NAV2: variants seen among roughly 807,000 people sequenced by gnomAD.
NAV2 encodes helicase, APC down-regulated 1.
Under a neutral mutation model 223.2 loss-of-function variants are expected in NAV2, and 54 were observed. The observed-to-expected ratio is 0.24, with a 90% CI of 0.19 to 0.30. The LOEUF (loss-of-function observed/expected upper bound fraction) is 0.30. Among genes scored for constraint, NAV2 ranks in the 10% least tolerant of loss-of-function variants. The probability of loss-of-function intolerance (pLI) is 1.00; values close to 1 mark genes in which losing one functional copy is unlikely to be tolerated. For missense variants in NAV2, 2,806 were observed against 3,147.5 expected, an observed-to-expected ratio of 0.89 and a Z score of 2.60; for synonymous variants, 1,279 against 1,239.3, an observed-to-expected ratio of 1.03 and a Z score of -0.67.
chr11:20,096,102 T>C (rs1300880610), intron 30 of NAV2, among the ~76,000 whole-genome samples: 1 of 152,236 alleles, frequency 6.6e-6, no homozygotes, highest in Non-Finnish European at 1.5e-5. Context: ...GGACATATGC[T>C]TCGGAGTATG....
chr11:19,352,667 A>C (rs183245531), intron 1 of NAV2, among the ~76,000 whole-genome samples: 1 of 152,244 alleles, frequency 6.6e-6, no homozygotes, highest in African/African-American at 2.4e-5. Flanking sequence ...CATTTTAATG[A>C]GTCTCCATGC....
chr11:19,853,423 C>A lies in NAV2; in HGVS notation c.438+10500C>A, dbSNP rs888801638. Among the ~76,000 whole-genome samples the A allele has an allele frequency of 4.6e-5, 7 of 152,242 alleles. 1 individual carries two copies. In the East Asian group the frequency reaches 1.2e-3, roughly 25 times the overall value. Reference sequence around the variant, plus strand: ...TCAAGCTAGTCCAACCCGTGGCCCACAGGCCACCTGCAGCCCAGGATGGCT... The same window carrying A: ...TCAAGCTAGTCCAACCCGTGGCCCAAAGGCCACCTGCAGCCCAGGATGGCT... On this transcript the variant is annotated intron_variant, in intron 3 of 37. Transcript: ENST00000349880.
intron 1 of NAV2, among the ~76,000 whole-genome samples, chr11:19,786,979 T>C (rs1429768671): frequency 6.6e-6 from 1 of 152,144 alleles, no homozygotes; most frequent in East Asian, 1.9e-4. Context: ...GAATAGCCAC[T>C]GAACTCCTGC....
chr11:20,006,002 G>C (rs964618470), intron 11 of NAV2, among the ~76,000 whole-genome samples: 1 of 152,208 alleles, frequency 6.6e-6, no homozygotes, highest in Admixed American at 6.5e-5. Context: ...TGTAATCCCA[G>C]CATTTGAGAG....
chr11:19,375,078 G>C (rs78453751), intron 1 of NAV2, among the ~76,000 whole-genome samples: 7 of 152,296 alleles, frequency 4.6e-5, no homozygotes, highest in Admixed American at 1.3e-4. Flanking sequence ...GCTCCTTCTC[G>C]ACAATAATGA....
At chr11:19,639,500 G>A (rs1463198974) in intron 1 of NAV2, among the ~76,000 whole-genome samples, 2 of 152,210 alleles carry the variant, frequency 1.3e-5, no homozygotes, top group African/African-American at 2.4e-5. Context: ...TAGCAACAAA[G>A]GATGTATTTA....
At chr11:19,793,206 C>CAAAAAAAAAAAAA (rs557365857) in intron 1 of NAV2, among the ~76,000 whole-genome samples, 4 of 58,258 alleles carry the variant, frequency 6.9e-5, no homozygotes, top group Non-Finnish European at 1.1e-4. Context: ...CACTCTGTCT[C>CAAAAAAAAAAAAA]AAAAAAAAAA....
At chr11:19,929,660 T>C (rs1255889329) in intron 6 of NAV2, among the ~76,000 whole-genome samples, 3 of 152,246 alleles carry the variant, frequency 2.0e-5, no homozygotes, top group Non-Finnish European at 4.4e-5. Flanking sequence ...AATTTTTTCC[T>C]GAGTTTAGGC....
chr11:19,958,105 G>A (rs1178647107), intron 10 of NAV2, among the ~76,000 whole-genome samples: 1 of 152,032 alleles, frequency 6.6e-6, no homozygotes, highest in East Asian at 1.9e-4. Context: ...TTGTTGAGAG[G>A]CCTCCAAATG....
chr11:20,018,733 G>A (rs2054228261), intron 11 of NAV2, among the ~76,000 whole-genome samples: 1 of 152,210 alleles, frequency 6.6e-6, no homozygotes, highest in African/African-American at 2.4e-5. Flanking sequence ...CCTGTGTTGA[G>A]GGAAAGACAG....
chr11:19,850,733 AG>A (rs1270095715), intron 3 of NAV2, among the ~76,000 whole-genome samples: 1 of 152,162 alleles, frequency 6.6e-6, no homozygotes, highest in Non-Finnish European at 1.5e-5. Context: ...GTGTTGCTTG[AG>A]GTGAGCATAT....
intron 6 of NAV2, among the ~76,000 whole-genome samples, chr11:19,901,495 C>G (rs763379302): frequency 6.6e-6 from 1 of 151,592 alleles, no homozygotes; most frequent in Non-Finnish European, 1.5e-5. Context: ...TGCAGTGAGC[C>G]GAGATCACAC....
At chr11:19,389,318 T>C (rs2133202105) in intron 1 of NAV2, among the ~76,000 whole-genome samples, 1 of 152,348 alleles carries the variant, frequency 6.6e-6, no homozygotes, top group South Asian at 2.1e-4. Context: ...GATAGAGACT[T>C]CAGTCTTATG....
At chr11:20,042,043 G>A (rs749095352) in intron 12 of NAV2, among the ~76,000 whole-genome samples, 1 of 152,110 alleles carries the variant, frequency 6.6e-6, no homozygotes, top group South Asian at 2.1e-4. Flanking sequence ...ACCATGGGTG[G>A]GAAATCAGTC....
intron 29 of NAV2, among the ~76,000 whole-genome samples, chr11:20,095,220 G>C (rs553143024): frequency 6.6e-6 from 1 of 152,076 alleles, no homozygotes; most frequent in Non-Finnish European, 1.5e-5. Context: ...ATATAAATTA[G>C]TACAGAATAT....
At chr11:20,072,405 T>C (rs772158244) in intron 22 of NAV2, among the ~76,000 whole-genome samples, 3 of 152,118 alleles carry the variant, frequency 2.0e-5, no homozygotes, top group Non-Finnish European at 2.9e-5. Flanking sequence ...TAAGATTGTC[T>C]TGGCTAGGCA....
rs144707540 is a variant in NAV2, at chr11:19,933,345, C to T, written c.1101C>T (p.His367=). The part of the protein sequence containing the change: ...PWRSKSLSVK[H]SATVSMLSVK... ...GCAGCAAATCCCTCAGCGTGAAGCA[C>T]AGTGCCACGGTATCCATGCTCTCGG... Residue 367 remains histidine, a synonymous_variant, in exon 7 of 38, where the codon CAC becomes CAT. Coordinates refer to ENST00000349880, the MANE Select transcript of NAV2 (RefSeq NM_145117.5). The surrounding 1 kb of genome is among the most constrained non-coding windows in gnomAD (Gnocchi z 4.3). The T allele has an allele frequency of 1.9e-6, 3 of 1,610,198 alleles. No homozygotes were observed. Among genetic ancestry groups the T allele is most frequent in the East Asian group, 2.2e-5 (1 of 44,832 alleles).
At chr11:19,545,384 A>C (rs1425329626) in intron 1 of NAV2, among the ~76,000 whole-genome samples, 1 of 152,122 alleles carries the variant, frequency 6.6e-6, no homozygotes, top group Non-Finnish European at 1.5e-5. Flanking sequence ...ATTTGTCTGC[A>C]TGTGGCCTCT....
rs553008843 is a variant in NAV2, at chr11:19,434,841, G to C, written c.75+83814G>C. On this transcript the variant is annotated intron_variant, in intron 1 of 37. Transcript: ENST00000360655. ...AAAGAAGCACAGGAAAGAAGCAAAAGGTTGTGGCTTTTTTTTTTTTTTTGC... is the reference window on the plus strand; with the variant it reads ...AAAGAAGCACAGGAAAGAAGCAAAACGTTGTGGCTTTTTTTTTTTTTTTGC... 9.5e-4 allele frequency among the ~76,000 whole-genome samples: 133 copies of C among 140,486 alleles called. 5 individuals carry two copies. The South Asian group carries it at 0.028, about 29-fold the overall frequency. 92.2% of individuals were successfully genotyped at this position (140,486 alleles called of 152,430 possible).
Sources: gnomAD v4.1 joint callset for allele counts (sites outside exome capture counted in the v4.1 genomes callset) on GRCh38, gnomAD v4.1.1 for gene constraint, Gnocchi (gnomAD v3.1) non-coding constraint, MANE v1.5 for transcripts, NCBI Gene and HGNC (gene_info 2026-07-23, HGNC 2026-07-21) for gene names.